Variants in PPP3CC observed in about 807,000 individuals in gnomAD.
PPP3CC encodes protein phosphatase 3 catalytic subunit gamma, also known as serine/threonine-protein phosphatase 2B catalytic subunit gamma isoform.
In PPP3CC, 35 loss-of-function variants were observed where a neutral mutation model predicts 60.3. That is an observed-to-expected ratio of 0.58 (90% CI 0.44 to 0.77). The LOEUF (loss-of-function observed/expected upper bound fraction) is 0.77, where lower values mean the gene tolerates loss of function less well. PPP3CC is among the 30% of genes least tolerant of loss of function. PPP3CC has a pLI of 0.00. For synonymous variants in PPP3CC, 206 were observed against 224.3 expected (o/e 0.92, Z 0.73); for missense variants, 570 against 628.9 (o/e 0.91, Z 1.00).
intron 3 of PPP3CC, among the ~76,000 whole-genome samples, chr8:22,483,993 T>C (rs1448748788): frequency 6.6e-6 from 1 of 151,844 alleles, no homozygotes; most frequent in Non-Finnish European, 1.5e-5. Context: ...AGGTGTGTGC[T>C]ACCACACTTG....
At chr8:22,520,288 A>C (rs538712204) in intron 6 of PPP3CC, among the ~76,000 whole-genome samples, 1 of 152,272 alleles carries the variant, frequency 6.6e-6, no homozygotes, top group South Asian at 2.1e-4. Context: ...CAACTTAATT[A>C]TAATGAGTCT....
intron 1 of PPP3CC, among the ~76,000 whole-genome samples, chr8:22,474,668 C>G (rs893006142): frequency 2.6e-5 from 4 of 152,102 alleles, no homozygotes; most frequent in Middle Eastern, 3.2e-3. Flanking sequence ...CGTGTCACTG[C>G]ATTCCAGCCT....
intron 3 of PPP3CC, among the ~76,000 whole-genome samples, chr8:22,493,603 G>A (rs191293498): frequency 5.9e-5 from 9 of 151,888 alleles, no homozygotes; most frequent in Admixed American, 2.6e-4. Flanking sequence ...ACGTGCGCAC[G>A]CATCTAGGCC....
rs1279431101 is a variant in PPP3CC, at chr8:22,467,766, T to C, written c.50-7188T>C. On this transcript the variant is annotated intron_variant, in intron 1 of 13. Coordinates refer to ENST00000240139, the MANE Select transcript of PPP3CC (RefSeq NM_005605.5). Reference sequence around the variant, plus strand: ...TAACAAAATGCCTTAGACTGGGTAATTTGTGAACAACAGAAATTTATTTCT... The same window carrying C: ...TAACAAAATGCCTTAGACTGGGTAACTTGTGAACAACAGAAATTTATTTCT... Among the ~76,000 whole-genome samples the C allele has an allele frequency of 2.6e-5, 4 of 152,166 alleles. No homozygotes were observed. The East Asian group carries it at 5.8e-4, about 22-fold the overall frequency.
chr8:22,475,748 A>C lies in PPP3CC; in HGVS notation c.372+124A>C. 2 of 936,050 alleles carry C rather than the reference A, an allele frequency of 2.1e-6. 1 individual carries two copies. The allele number at this position is 936,050 out of a possible 1,614,324, so 58.0% of individuals were successfully genotyped here. A position where few individuals can be genotyped will look rare whatever the true frequency, so the allele number is the denominator to read the frequency against. ...GAATTTATAAACTTTGTTACTTTCA[A>C]AATTAAAGTAGTAGAAATGTTTTAA... On this transcript the variant is annotated intron_variant, in intron 3 of 13. Coordinates refer to ENST00000240139, the MANE Select transcript of PPP3CC (RefSeq NM_005605.5).
At chr8:22,481,440 G>C (rs1481763767) in intron 3 of PPP3CC, among the ~76,000 whole-genome samples, 2 of 150,900 alleles carry the variant, frequency 1.3e-5, no homozygotes, top group Non-Finnish European at 2.9e-5. Flanking sequence ...AAGTTACATG[G>C]ATGTAAAAAC....
intron 1 of PPP3CC, among the ~76,000 whole-genome samples, chr8:22,448,157 C>T (rs1836890039): frequency 1.3e-5 from 2 of 152,064 alleles, no homozygotes; most frequent in African/African-American, 2.4e-5. Flanking sequence ...GGACTTTCTA[C>T]AAGACAGTTG....
intron 1 of PPP3CC, among the ~76,000 whole-genome samples, chr8:22,470,047 GATAT>G (rs34311032): frequency 6.9e-6 from 1 of 144,834 alleles, no homozygotes; most frequent in African/African-American, 2.6e-5. Flanking sequence ...AAATATGGGT[GATAT>G]ATATATATAC....
At chr8:22,450,793 CT>C (rs1401500401) in intron 1 of PPP3CC, among the ~76,000 whole-genome samples, 1 of 148,724 alleles carries the variant, frequency 6.7e-6, no homozygotes, top group Non-Finnish European at 1.5e-5. Context: ...CCCCAACCTA[CT>C]TTATTTTTAT....
chr8:22,520,131 T>G (rs1227684561), intron 6 of PPP3CC, among the ~76,000 whole-genome samples: 1 of 152,092 alleles, frequency 6.6e-6, no homozygotes, highest in Non-Finnish European at 1.5e-5. Flanking sequence ...TTTCTTTTAG[T>G]ACTTTGAATA....
At chr8:22,523,599 G>T in intron 8 of PPP3CC, 1 of 444,100 alleles carries the variant, frequency 2.3e-6, no homozygotes, top group Non-Finnish European at 4.5e-6. Flanking sequence ...TGCTGTCCTT[G>T]TTCAAAAACA....
At chr8:22,463,082 A>T (rs570283484) in intron 1 of PPP3CC, among the ~76,000 whole-genome samples, 1 of 152,212 alleles carries the variant, frequency 6.6e-6, no homozygotes, top group Non-Finnish European at 1.5e-5. Flanking sequence ...TGATAGTGCT[A>T]ACAGTAAGGA....
chr8:22,477,123 A>AT (rs1000688518), intron 3 of PPP3CC, among the ~76,000 whole-genome samples: 2 of 152,134 alleles, frequency 1.3e-5, no homozygotes, highest in Non-Finnish European at 2.9e-5. Context: ...AGACTGTATC[A>AT]TTGAGGAGCT....
At chr8:22,497,634 C>T (rs989320170) in intron 3 of PPP3CC, among the ~76,000 whole-genome samples, 4 of 151,986 alleles carry the variant, frequency 2.6e-5, no homozygotes, top group Admixed American at 6.6e-5. Flanking sequence ...TGGCTGATAC[C>T]CTTACACCAG....
At chr8:22,496,402 A>G (rs551729959) in intron 3 of PPP3CC, among the ~76,000 whole-genome samples, 1 of 149,944 alleles carries the variant, frequency 6.7e-6, no homozygotes, top group South Asian at 2.1e-4. Flanking sequence ...TTTAGTGTCA[A>G]CTTGTCTAAC....
chr8:22,463,403 G>T (rs903301956), intron 1 of PPP3CC, among the ~76,000 whole-genome samples: 2 of 152,138 alleles, frequency 1.3e-5, no homozygotes, highest in Middle Eastern at 3.2e-3. Flanking sequence ...AAGTTCTTTT[G>T]ATAAGTCTTC....
In PPP3CC at chr8:22,468,832, T is replaced by C. The variant is rs201028484; in HGVS notation, c.50-6122T>C. On this transcript the variant is annotated intron_variant, in intron 1 of 13. Transcript: ENST00000240139. ...CCATAGCAATATTTTTAGTCTCATA[T>C]GCTCGCACAGAATTTTGTCACTCCC... 7.2e-5 allele frequency among the ~76,000 whole-genome samples: 11 copies of C among 152,344 alleles called. No homozygotes were observed. In the East Asian group the frequency reaches 1.9e-3, roughly 27 times the overall value.
At chr8:22,530,829 C>CAAACAAAAAAAAAAAAAAAAA (rs1839691242) in intron 10 of PPP3CC, among the ~76,000 whole-genome samples, 4 of 58,034 alleles carry the variant, frequency 6.9e-5, no homozygotes, top group African/African-American at 2.1e-4. Context: ...AGACTCATCT[C>CAAACAAAAAAAAAAAAAAAAA]AAAAAAAAAA....
intron 6 of PPP3CC, among the ~76,000 whole-genome samples, chr8:22,519,116 T>C (rs1164381414): frequency 6.6e-6 from 1 of 152,248 alleles, no homozygotes; most frequent in African/African-American, 2.4e-5. Context: ...TTGACCCTTT[T>C]ATCATTATAT....
Sources: allele counts gnomAD v4.1 joint callset (sites outside exome capture counted in the v4.1 genomes callset), GRCh38; gene constraint gnomAD v4.1.1; transcripts MANE v1.5; gene names NCBI Gene and HGNC (gene_info 2026-07-23, HGNC 2026-07-21).